Variants in ESRRG observed in about 807,000 individuals in gnomAD.
The protein encoded by ESRRG is estrogen related receptor gamma.
Under a neutral mutation model 44.0 loss-of-function variants are expected in ESRRG, and 13 were observed. The observed-to-expected ratio is 0.30, with a 90% CI of 0.19 to 0.47. The LOEUF (loss-of-function observed/expected upper bound fraction) is 0.47. Ranked by LOEUF, ESRRG falls within the 20% of genes least tolerant of loss-of-function variation. The probability of loss-of-function intolerance (pLI) is 1.00; values close to 1 mark genes in which losing one functional copy is unlikely to be tolerated. For missense variants in ESRRG, 395 were observed against 580.6 expected (o/e 0.68, Z 3.29); for synonymous variants, 215 against 214.6 (o/e 1.00, Z -0.02).
At chr1:216,546,519 T>C (rs956216634) in intron 5 of ESRRG, among the ~76,000 whole-genome samples, 1 of 152,112 alleles carries the variant, frequency 6.6e-6, no homozygotes, top group Admixed American at 6.6e-5. Context: ...TGTCACCACC[T>C]TGAAATTCAT....
chr1:216,655,113 T>C (rs1334967149), intron 2 of ESRRG, among the ~76,000 whole-genome samples: 1 of 152,168 alleles, frequency 6.6e-6, no homozygotes, highest in Non-Finnish European at 1.5e-5. Flanking sequence ...AATTCTTCAA[T>C]GATAAGGAGA....
chr1:217,019,641 C>T (rs1202274996), intron 1 of ESRRG, among the ~76,000 whole-genome samples: 1 of 152,162 alleles, frequency 6.6e-6, no homozygotes, highest in Non-Finnish European at 1.5e-5. Context: ...ATTAAAGATA[C>T]TTTATGTATT....
chr1:217,048,169 G>A (rs1288865778), intron 1 of ESRRG, among the ~76,000 whole-genome samples: 1 of 152,146 alleles, frequency 6.6e-6, no homozygotes, highest in Non-Finnish European at 1.5e-5. Context: ...TTGTCTCTTT[G>A]GCTTCAAGGT....
Position 216,896,840 on chromosome 1 carries a change from G to T in ESRRG, c.-14+42742C>A, listed in dbSNP as rs1469675394. Among the ~76,000 whole-genome samples, 3 of 152,106 alleles carry T rather than the reference G, an allele frequency of 2.0e-5. No individual in the cohort carries two copies. The East Asian group carries it at 5.8e-4, about 29-fold the overall frequency. The stretch of plus-strand genomic sequence containing the variant: ...TCTCTTGGCACCTCTCACTTTACAG[G>T]CATATTTAAAGACATCTCTTGGGTC... On this transcript the variant is annotated intron_variant, in intron 2 of 7. Coordinates refer to the ESRRG transcript ENST00000359162.
intron 2 of ESRRG, among the ~76,000 whole-genome samples, chr1:216,844,017 G>A (rs1325778127): frequency 1.3e-5 from 2 of 151,858 alleles, no homozygotes; most frequent in East Asian, 1.9e-4. Context: ...CTTTGAGCTT[G>A]TTATCTTAAT....
intron 1 of ESRRG, among the ~76,000 whole-genome samples, chr1:217,053,525 A>C (rs1395294814): frequency 4.1e-5 from 6 of 146,684 alleles, no homozygotes; most frequent in African/African-American, 1.5e-4. Context: ...GGGTTGCAAA[A>C]ACAAAATCTC....
chr1:217,022,376 G>A (rs985467410), intron 1 of ESRRG, among the ~76,000 whole-genome samples: 1 of 152,242 alleles, frequency 6.6e-6, no homozygotes, highest in Middle Eastern at 3.4e-3. Context: ...ACCGATTTAG[G>A]GCCATTCAGA....
chr1:216,589,078 A>G (rs2057203084), intron 3 of ESRRG, among the ~76,000 whole-genome samples: 1 of 152,242 alleles, frequency 6.6e-6, no homozygotes, highest in Non-Finnish European at 1.5e-5. Context: ...CAGTTTCTAA[A>G]GAAAGATAAG....
chr1:217,106,636 C>A (rs1018416238), intron 1 of ESRRG, among the ~76,000 whole-genome samples: 1 of 152,140 alleles, frequency 6.6e-6, no homozygotes, highest in Non-Finnish European at 1.5e-5. Flanking sequence ...CCTTAGCAGT[C>A]TTCTTCCCTA....
chr1:216,695,098 T>A (rs758698378), intron 1 of ESRRG, among the ~76,000 whole-genome samples: 1 of 152,128 alleles, frequency 6.6e-6, no homozygotes, highest in Non-Finnish European at 1.5e-5. Flanking sequence ...AGGAGATGAA[T>A]ATTATGGGAA....
chr1:216,555,581 A>G (rs748621785), intron 5 of ESRRG, among the ~76,000 whole-genome samples: 2 of 151,842 alleles, frequency 1.3e-5, no homozygotes, highest in Non-Finnish European at 2.9e-5. Context: ...TTAAGAAATC[A>G]CTTCTCTGCC....
chr1:217,031,056 A>G lies in ESRRG; in HGVS notation c.-106+58451T>C, dbSNP rs370785988. ...CCATGCTCTAAAGGAGAGTTTGGCAAACTATGGCTTGCAGGCCAAATCTAG... is the reference window on the plus strand; with the variant it reads ...CCATGCTCTAAAGGAGAGTTTGGCAGACTATGGCTTGCAGGCCAAATCTAG... On this transcript the variant is annotated intron_variant, in intron 1 of 7. Transcript: ENST00000359162. 1.6e-4 allele frequency among the ~76,000 whole-genome samples: 24 copies of G among 152,324 alleles called. No homozygotes were observed. In the South Asian group the frequency reaches 5.0e-3, roughly 32 times the overall value.
intron 2 of ESRRG, among the ~76,000 whole-genome samples, chr1:216,785,109 C>CA (rs547578657): frequency 6.7e-5 from 10 of 149,470 alleles, no homozygotes; most frequent in African/African-American, 1.2e-4. Context: ...AGACTTTTTT[C>CA]AAAAAAAAAT....
At position 216,504,569 on chromosome 1, in the gene ESRRG, G is replaced by C. The variant is rs1286660493; in HGVS notation, c.*2370C>G. On this transcript the variant is annotated 3_prime_UTR_variant, in exon 7 of 7. Transcript: ENST00000408911. ...ATGTTTCATCAACCCAAGGTATTTTGTTTAAAGCACACAAAGTAGCAATAG... is the reference window on the plus strand; with the variant it reads ...ATGTTTCATCAACCCAAGGTATTTTCTTTAAAGCACACAAAGTAGCAATAG... The C allele has an allele frequency of 2.0e-5, 3 of 152,498 alleles. No individual in the cohort carries two copies. In the East Asian group the frequency reaches 5.8e-4, roughly 29 times the overall value. 9.4% of individuals were successfully genotyped at this position (152,498 alleles called of 1,614,324 possible). A position where few individuals can be genotyped will look rare whatever the true frequency, so the allele number is the denominator to read the frequency against.
rs1266397788 is a variant in ESRRG at position 217,133,645 on chromosome 1, C to CTCTCTCTCTCTCTCTT, written c.-230+4021_-230+4022insAAGAGAGAGAGAGAGA. Among the ~76,000 whole-genome samples the CTCTCTCTCTCTCTCTT allele has an allele frequency of 6.5e-5, 6 of 91,814 alleles. No individual in the cohort carries two copies. In the South Asian group the frequency reaches 1.3e-3, roughly 20 times the overall value. The allele number at this position is 91,814 out of a possible 152,430, so 60.2% of individuals were successfully genotyped here. ...TCTTTCTTTCTTTCTCTCTCTCTCTCTCTTTCTTTCTTTCTTTCTTTCTTT... is the reference window on the plus strand; with the variant it reads ...TCTTTCTTTCTTTCTCTCTCTCTCTCTCTCTCTCTCTCTCTTTCTTTCTTTCTTTCTTTCTTTCTTT... On this transcript the variant is annotated intron_variant, in intron 1 of 8. Transcript: ENST00000366940.
intron 1 of ESRRG, among the ~76,000 whole-genome samples, chr1:217,099,519 A>G (rs1036235725): frequency 6.6e-6 from 1 of 152,234 alleles, no homozygotes; most frequent in African/African-American, 2.4e-5. Flanking sequence ...GTGGATAGCC[A>G]TGAATTGTAC....
At position 216,577,857 on chromosome 1, in the gene ESRRG, A is replaced by T. The variant is rs528526425; in HGVS notation, c.590-9759T>A. Among the ~76,000 whole-genome samples the T allele has an allele frequency of 2.0e-5, 3 of 152,218 alleles. No homozygotes were observed. The South Asian group carries it at 6.2e-4, about 32-fold the overall frequency. The stretch of plus-strand genomic sequence containing the variant: ...TTGGTTTCAGCATATGTGAATCTAG[A>T]TCATACGGGCAACCTTGGAAGAGCC... On this transcript the variant is annotated intron_variant, in intron 3 of 6. Coordinates refer to ENST00000408911, the MANE Select transcript of ESRRG (RefSeq NM_001438.4).
intron 1 of ESRRG, among the ~76,000 whole-genome samples, chr1:216,691,653 T>C (rs1287245571): frequency 1.3e-5 from 2 of 152,184 alleles, no homozygotes; most frequent in Non-Finnish European, 2.9e-5. Context: ...TGTATATCCC[T>C]GAAGACAAAT....
intron 1 of ESRRG, among the ~76,000 whole-genome samples, chr1:216,995,783 T>C (rs991638128): frequency 3.9e-5 from 6 of 152,202 alleles, no homozygotes; most frequent in Non-Finnish European, 7.4e-5. Context: ...AGGTCAGAAT[T>C]TTAAGAATTG....
Sources: allele counts gnomAD v4.1 joint callset (sites outside exome capture counted in the v4.1 genomes callset), GRCh38; gene constraint gnomAD v4.1.1; transcripts MANE v1.5; gene names NCBI Gene and HGNC (gene_info 2026-07-23, HGNC 2026-07-21).